SERINC5: variants seen among roughly 807,000 people sequenced by gnomAD.
SERINC5 encodes serine incorporator 5.
A neutral mutation model predicts 63.1 loss-of-function variants in SERINC5; 41 were observed. That is an observed-to-expected ratio of 0.65 (90% confidence interval 0.51 to 0.84). The LOEUF is 0.84. Ranked by LOEUF, SERINC5 falls within the 40% of genes least tolerant of loss-of-function variation. SERINC5 has a pLI of 0.00. For synonymous variants in SERINC5, 222 were observed against 215.2 expected, an observed-to-expected ratio of 1.03 and a Z score of -0.28; for missense variants, 523 against 573.0, an observed-to-expected ratio of 0.91 and a Z score of 0.89.
intron 2 of SERINC5, among the ~76,000 whole-genome samples, chr5:80,187,515 T>G (rs1430564490): frequency 1.3e-5 from 2 of 151,866 alleles, no homozygotes; most frequent in Non-Finnish European, 2.9e-5. Context: ...TGGGAAACAC[T>G]AAAATCAGCT....
chr5:80,199,307 T>G (rs147185940), intron 2 of SERINC5, among the ~76,000 whole-genome samples: 1 of 152,332 alleles, frequency 6.6e-6, no homozygotes, highest in Non-Finnish European at 1.5e-5. Context: ...TGTTTCAGTT[T>G]CCCCATCTGT....
intron 5 of SERINC5, among the ~76,000 whole-genome samples, chr5:80,173,291 T>C (rs1747798138): frequency 6.8e-6 from 1 of 146,874 alleles, no homozygotes; most frequent in Non-Finnish European, 1.5e-5. Context: ...GAAAATGAAA[T>C]GAAATGAAAT....
At chr5:80,254,597 A>C (rs531063359) in intron 1 of SERINC5, among the ~76,000 whole-genome samples, 1 of 152,272 alleles carries the variant, frequency 6.6e-6, no homozygotes, top group Admixed American at 6.5e-5. Flanking sequence ...AGTATTTCAA[A>C]ACGGGAATAA....
intron 2 of SERINC5, 28 bp from the exon 3 acceptor site, chr5:80,178,092 T>C: frequency 4.0e-6 from 6 of 1,507,480 alleles, no homozygotes; most frequent in Non-Finnish European, 5.4e-6. Context: ...AAAAGTCATC[T>C]GTTACAACTG....
At chr5:80,182,560 CT>C (rs1487900953) in intron 2 of SERINC5, among the ~76,000 whole-genome samples, 1 of 121,148 alleles carries the variant, frequency 8.3e-6, no homozygotes, top group Non-Finnish European at 1.7e-5. Flanking sequence ...CCCCCCTCCG[CT>C]TTTTTTTAAT....
rs182520935 is a variant in SERINC5 at position 80,245,297 on chromosome 5, T to C, written c.27+10599A>G. Among the ~76,000 whole-genome samples the C allele has an allele frequency of 3.6e-3, 552 of 152,244 alleles. 5 individuals carry two copies. Among genetic ancestry groups the C allele is most frequent in the Non-Finnish European group, 2.3e-3 (154 of 68,014 alleles). On this transcript the variant is annotated intron_variant, in intron 1 of 11. Transcript: ENST00000507668. The stretch of plus-strand genomic sequence containing the variant: ...CACAACTGTGTGTGCAACTGCAGGA[T>C]TGCATGGATCTCTAGAGCCCATTCA...
chr5:80,230,095 G>C (rs762262063), intron 1 of SERINC5, among the ~76,000 whole-genome samples: 2 of 152,050 alleles, frequency 1.3e-5, no homozygotes, highest in Admixed American at 6.6e-5. Context: ...CCAAGGACTC[G>C]CTCCCTCTTG....
At chr5:80,230,511 C>CA (rs1172198325) in intron 1 of SERINC5, among the ~76,000 whole-genome samples, 8 of 148,924 alleles carry the variant, frequency 5.4e-5, no homozygotes, top group Non-Finnish European at 1.2e-4. Flanking sequence ...TTTCTCTTTT[C>CA]AAACGGGGCT....
chr5:80,217,186 T>C (rs1000961639), intron 1 of SERINC5, among the ~76,000 whole-genome samples: 10 of 151,866 alleles, frequency 6.6e-5, no homozygotes, highest in Non-Finnish European at 1.0e-4. Context: ...ATTTATAAAA[T>C]AGTTAATTTT....
intron 11 of SERINC5, among the ~76,000 whole-genome samples, chr5:80,123,257 G>C (rs1744617366): frequency 6.6e-6 from 1 of 151,996 alleles, no homozygotes; most frequent in African/African-American, 2.4e-5. Flanking sequence ...CACCATACTT[G>C]GCTGATTTTT....
chr5:80,138,795 G>C lies in SERINC5; in HGVS notation c.*4868C>G. 2.0e-6 allele frequency: 2 copies of C among 983,842 alleles called. No individual in the cohort carries two copies. Among genetic ancestry groups the C allele is most frequent in the African/African-American group, 3.5e-5 (2 of 57,280 alleles). 60.9% of individuals were successfully genotyped at this position (983,842 alleles called of 1,614,324 possible). A position where few individuals can be genotyped will look rare whatever the true frequency, so the allele number is the denominator to read the frequency against. On this transcript the variant is annotated 3_prime_UTR_variant, in exon 12 of 12. Coordinates refer to ENST00000507668, the MANE Select transcript of SERINC5 (RefSeq NM_001174072.3). ...TCAGCATAGACTCCATGAAACTTGA[G>C]AGACCTGATTAACATCTGAAGGCAA...
intron 1 of SERINC5, among the ~76,000 whole-genome samples, chr5:80,213,482 T>A (rs559209148): frequency 2.0e-5 from 3 of 152,252 alleles, no homozygotes; most frequent in African/African-American, 7.2e-5. Flanking sequence ...TTGCCATTCT[T>A]CTCCACTTAC....
intron 1 of SERINC5, among the ~76,000 whole-genome samples, chr5:80,245,686 C>T: frequency 6.6e-6 from 1 of 151,964 alleles, no homozygotes; most frequent in East Asian, 1.9e-4. Context: ...ATGATCTCAG[C>T]TCACTACAAC....
chr5:80,227,764 G>A (rs1223101905), intron 1 of SERINC5, among the ~76,000 whole-genome samples: 2 of 152,072 alleles, frequency 1.3e-5, no homozygotes, highest in East Asian at 1.9e-4. Flanking sequence ...CATGAGAATC[G>A]CTTGAACCCG....
At chr5:80,175,155 T>G in intron 4 of SERINC5, 108 bp from the exon 5 acceptor site, 1 of 649,972 alleles carries the variant, frequency 1.5e-6, no homozygotes, top group Non-Finnish European at 2.7e-6. Context: ...CCTAACATAT[T>G]TGTCACACAA....
intron 4 of SERINC5, among the ~76,000 whole-genome samples, chr5:80,176,191 C>CA (rs1748024481): frequency 6.6e-6 from 1 of 151,216 alleles, no homozygotes; most frequent in Admixed American, 6.6e-5. Context: ...TCTCGAAAAA[C>CA]AAAAAAAAGA....
At chr5:80,127,460 GAACTTT>G (rs1744788487) in intron 11 of SERINC5, among the ~76,000 whole-genome samples, 1 of 152,176 alleles carries the variant, frequency 6.6e-6, no homozygotes, top group Non-Finnish European at 1.5e-5. Context: ...AGCAAGAACT[GAACTTT>G]AGTCATTGTA....
intron 1 of SERINC5, chr5:80,255,261 G>A (rs1752600789): frequency 6.6e-6 from 1 of 152,428 alleles, no homozygotes; most frequent in Admixed American, 6.5e-5. Flanking sequence ...AGAGAGGCAG[G>A]AAGGTTCCAG....
At chr5:80,182,027 T>G (rs1561402175) in intron 2 of SERINC5, among the ~76,000 whole-genome samples, 1 of 152,260 alleles carries the variant, frequency 6.6e-6, no homozygotes, top group Admixed American at 6.5e-5. Flanking sequence ...AACATTTATA[T>G]ATTGACAGAG....
Sources: gnomAD v4.1 joint callset for allele counts (sites outside exome capture counted in the v4.1 genomes callset) on GRCh38, gnomAD v4.1.1 for gene constraint, MANE v1.5 for transcripts, NCBI Gene and HGNC (gene_info 2026-07-23, HGNC 2026-07-21) for gene names.